The following SLIT1 variants were observed in gnomAD, a reference collection of about 807,000 sequenced individuals.
The protein encoded by SLIT1 is slit homolog 1 protein.
Under a neutral mutation model 186.1 loss-of-function variants are expected in SLIT1, and 66 were observed. That is an observed-to-expected ratio of 0.35 (90% CI 0.29 to 0.44). SLIT1 has a LOEUF of 0.44. Among genes scored for constraint, SLIT1 ranks in the 20% least tolerant of loss-of-function variants. SLIT1 has a pLI of 1.00. For synonymous variants in SLIT1, 761 were observed against 833.8 expected (o/e 0.91, Z 1.50); for missense variants, 1,638 against 2,037.4 (o/e 0.80, Z 3.77).
chr10:97,183,835 A>AG (rs768809986), intron 1 of SLIT1, among the ~76,000 whole-genome samples: 3 of 152,128 alleles, frequency 2.0e-5, no homozygotes, highest in Non-Finnish European at 4.4e-5. Context: ...GAGCAGGTAC[A>AG]GAGGGGACAG....
chr10:97,043,069 T>C lies in SLIT1; in HGVS notation c.1998-2A>G. The C allele has an allele frequency of 1.2e-6, 2 of 1,613,512 alleles. No individual in the cohort carries two copies. Among genetic ancestry groups the C allele is most frequent in the Non-Finnish European group, 1.7e-6 (2 of 1,179,630 alleles). The stretch of plus-strand genomic sequence containing the variant: ...TTGAAAGGGTTGGCCAGGAGATTCC[T>C]GGAAGAGGCAGGCCAGGCGGCCATG... On this transcript the variant is annotated splice_acceptor_variant, in intron 19 of 36. Coordinates refer to ENST00000266058, the MANE Select transcript of SLIT1 (RefSeq NM_003061.3). LOFTEE classifies it high-confidence loss of function. This position sits in a 1 kb window ranked among gnomAD's most constrained non-coding sequence, Gnocchi z 7.0.
chr10:97,119,516 G>T (rs942138784), intron 4 of SLIT1, among the ~76,000 whole-genome samples: 1 of 152,120 alleles, frequency 6.6e-6, no homozygotes, highest in Non-Finnish European at 1.5e-5. Flanking sequence ...AAATCCGAGC[G>T]CAGTCAGGGA....
At chr10:97,018,523 C>A in intron 28 of SLIT1, 63 bp downstream of exon 28, 2 of 1,049,572 alleles carry the variant, frequency 1.9e-6, no homozygotes, top group Middle Eastern at 2.4e-4. Context: ...AGAGGAGGGC[C>A]CTGAGGCACA....
intron 3 of SLIT1, among the ~76,000 whole-genome samples, chr10:97,161,923 T>A (rs1324807229): frequency 6.6e-6 from 1 of 152,242 alleles, no homozygotes; most frequent in South Asian, 2.1e-4. Flanking sequence ...ATCTGTGAAA[T>A]ACTACTTAGA....
At chr10:97,157,621 C>T (rs965034175) in intron 4 of SLIT1, 197 bp downstream of exon 4, 17 of 595,584 alleles carry the variant, frequency 2.9e-5, no homozygotes, top group Non-Finnish European at 4.5e-5. Context: ...CAAGTGCTTG[C>T]CATGGAGAAA....
chr10:97,108,251 C>T (rs965136936), intron 4 of SLIT1, among the ~76,000 whole-genome samples: 3 of 152,186 alleles, frequency 2.0e-5, no homozygotes, highest in African/African-American at 7.2e-5. Flanking sequence ...GCTCTCCTTG[C>T]TGCCTGGGTT....
At chr10:97,183,846 G>C (rs1477219170) in intron 1 of SLIT1, among the ~76,000 whole-genome samples, 1 of 152,076 alleles carries the variant, frequency 6.6e-6, no homozygotes, top group African/African-American at 2.4e-5. Flanking sequence ...GAGGGGACAG[G>C]CATGGAGGGT....
intron 29 of SLIT1, 48 bp downstream of exon 29, chr10:97,013,971 G>A (rs1353196801): frequency 1.9e-6 from 3 of 1,602,394 alleles, no homozygotes; most frequent in African/African-American, 1.3e-5. Flanking sequence ...GCTCAGGGCT[G>A]TCTCTGTTCC....
In SLIT1 at chr10:97,185,497, G is replaced by C; in HGVS notation, c.178C>G (p.Pro60Ala). Residue 60 changes from proline to alanine, a missense_variant, in exon 1 of 37, where the codon CCT (proline) becomes GCT (alanine). Pro to Ala is a conservative substitution (Grantham distance 27, BLOSUM62 -1). Transcript: ENST00000266058. ...TGLQAIPKNI[P>A]RNTERLELNG... ...ACTCACAGGCGCTCGGTGTTCCGAG[G>C]TATATTCTTGGGAATGGCCTGCAGC... 6.2e-7 allele frequency: 1 copy of C among 1,612,338 alleles called. No individual in the cohort carries two copies. The highest frequency in any genetic ancestry group is 1.1e-5 in the South Asian group (1 of 90,994).
intron 4 of SLIT1, among the ~76,000 whole-genome samples, chr10:97,108,657 A>G (rs1849436196): frequency 6.6e-6 from 1 of 152,114 alleles, no homozygotes; most frequent in Admixed American, 6.5e-5. Flanking sequence ...TTGGGAGGCC[A>G]AGGCAGCAGA....
chr10:97,172,642 G>A (rs1204029648), intron 1 of SLIT1, among the ~76,000 whole-genome samples: 2 of 152,172 alleles, frequency 1.3e-5, no homozygotes, highest in Non-Finnish European at 2.9e-5. Flanking sequence ...CCAGCCAAGC[G>A]TGCTGGCTCA....
intron 4 of SLIT1, among the ~76,000 whole-genome samples, chr10:97,119,129 A>G (rs1447642398): frequency 2.6e-5 from 4 of 152,182 alleles, no homozygotes; most frequent in Admixed American, 1.3e-4. Context: ...GTGTCTGGCT[A>G]AAGTCAAAAT....
At chr10:97,007,989 G>A (rs1296554675) in intron 31 of SLIT1, among the ~76,000 whole-genome samples, 4 of 150,434 alleles carry the variant, frequency 2.7e-5, no homozygotes, top group Admixed American at 2.6e-4. Flanking sequence ...AGGAAGGAGG[G>A]AGGGAGGGAG....
At chr10:97,135,759 G>A (rs750022933) in intron 4 of SLIT1, among the ~76,000 whole-genome samples, 7 of 152,216 alleles carry the variant, frequency 4.6e-5, no homozygotes, top group Non-Finnish European at 8.8e-5. Flanking sequence ...AAACAGCCAC[G>A]GATGGTCCCG....
intron 28 of SLIT1, among the ~76,000 whole-genome samples, chr10:97,015,471 A>G (rs1163420605): frequency 2.0e-5 from 3 of 152,356 alleles, no homozygotes; most frequent in African/African-American, 4.8e-5. Flanking sequence ...ATTAAGTGAC[A>G]TGGCTATAAT....
intron 1 of SLIT1, among the ~76,000 whole-genome samples, chr10:97,165,565 G>A (rs983589530): frequency 1.9e-4 from 29 of 152,174 alleles, no homozygotes; most frequent in Admixed American, 2.6e-4. Flanking sequence ...TAGCTGAGGG[G>A]TGAAGGGGGC....
intron 8 of SLIT1, among the ~76,000 whole-genome samples, chr10:97,062,562 C>G (rs1044929161): frequency 1.2e-4 from 18 of 152,240 alleles, no homozygotes; most frequent in African/African-American, 4.3e-4. Context: ...TCACAGAAGG[C>G]TCCCTGGGCC....
chr10:97,179,796 A>AAC (rs1850306869), intron 1 of SLIT1, among the ~76,000 whole-genome samples: 2 of 103,010 alleles, frequency 1.9e-5, no homozygotes, highest in Non-Finnish European at 4.4e-5. Context: ...AATTCTCCAC[A>AAC]CCCTCCCCGC....
At chr10:97,134,806 C>T (rs1295203543) in intron 4 of SLIT1, among the ~76,000 whole-genome samples, 1 of 152,158 alleles carries the variant, frequency 6.6e-6, no homozygotes, top group African/African-American at 2.4e-5. Flanking sequence ...AGTTTGATCA[C>T]GTGGTTCTAG....
Sources: gnomAD v4.1 joint callset for allele counts (sites outside exome capture counted in the v4.1 genomes callset) on GRCh38, gnomAD v4.1.1 for gene constraint, Gnocchi (gnomAD v3.1) non-coding constraint, MANE v1.5 for transcripts, NCBI Gene and HGNC (gene_info 2026-07-23, HGNC 2026-07-21) for gene names.